The following UGT2B10 variants were observed in gnomAD, a reference collection of about 807,000 sequenced individuals.
UGT2B10 encodes UDP-glucuronosyltransferase 2B10.
Under a neutral mutation model 43.7 loss-of-function variants are expected in UGT2B10, and 51 were observed. The observed-to-expected ratio is 1.17, with a 90% CI of 0.93 to 1.47. The LOEUF is 1.47. Among genes scored for constraint, UGT2B10 ranks in the 40% most tolerant of loss-of-function variants. The pLI is 0.00. For synonymous variants in UGT2B10, 225 were observed against 209.0 expected (o/e 1.08, Z -0.66); for missense variants, 696 against 617.7 (o/e 1.13, Z -1.34).
intron 2 of UGT2B10, among the ~76,000 whole-genome samples, chr4:68,818,387 A>G (rs1737329130): frequency 6.6e-6 from 1 of 151,830 alleles, no homozygotes. Flanking sequence ...AATACTAAAG[A>G]AACTTTGAAA....
intron 5 of UGT2B10, among the ~76,000 whole-genome samples, chr4:68,828,113 G>A (rs1737894057): frequency 6.6e-6 from 1 of 151,906 alleles, no homozygotes; most frequent in Non-Finnish European, 1.5e-5. Flanking sequence ...AGAAACTGCA[G>A]TGACACCAAA....
chr4:68,816,502 G>T lies in UGT2B10; in HGVS notation c.483G>T (p.Glu161Asp). The change falls in exon 1 of 6, where the codon GAG becomes GAT. Residue 161 changes from glutamate to aspartate, a missense_variant. Coordinates refer to ENST00000265403, the MANE Select transcript of UGT2B10 (RefSeq NM_001075.6). Reference sequence around the variant, plus strand: ...TACCCTGTGGTGAGCTGCTGGCTGAGCTATTTAACATACCCTTTGTGTACA... The same window carrying T: ...TACCCTGTGGTGAGCTGCTGGCTGATCTATTTAACATACCCTTTGTGTACA... The part of the protein sequence containing the change: ...AYLPCGELLA[E>D]LFNIPFVYSH... 1.9e-6 allele frequency: 3 copies of T among 1,613,222 alleles called. No individual in the cohort carries two copies. The highest frequency in any genetic ancestry group is 2.5e-6 in the Non-Finnish European group (3 of 1,179,438).
rs1738118974 is a variant in UGT2B10, at chr4:68,831,998, C to A, written c.*1119C>A. Among the ~76,000 whole-genome samples the A allele has an allele frequency of 6.6e-6, 1 of 151,874 alleles. No individual in the cohort carries two copies. The highest frequency in any genetic ancestry group is 1.5e-5 in the Non-Finnish European group (1 of 67,976). ...ATCTCTTATGAATAACAAATTTATC[C>A]TTAATAAAGTCTCTATACTAAAGAA... On this transcript the variant is annotated 3_prime_UTR_variant, in exon 6 of 6. Coordinates refer to ENST00000265403, the MANE Select transcript of UGT2B10 (RefSeq NM_001075.6).
At chr4:68,824,885 T>C (rs963922400) in intron 3 of UGT2B10, among the ~76,000 whole-genome samples, 7 of 152,256 alleles carry the variant, frequency 4.6e-5, no homozygotes, top group South Asian at 4.2e-4. Context: ...ACATGTTCCT[T>C]ATTTCTATGC....
chr4:68,816,949 ACACC>A (rs1270194022), intron 1 of UGT2B10, among the ~76,000 whole-genome samples: 1 of 151,854 alleles, frequency 6.6e-6, no homozygotes, highest in South Asian at 2.1e-4. Flanking sequence ...CTCATACAGA[ACACC>A]CCAGGAAATC....
At chr4:68,823,891 G>A (rs1408622438) in intron 3 of UGT2B10, among the ~76,000 whole-genome samples, 2 of 152,088 alleles carry the variant, frequency 1.3e-5, no homozygotes, top group South Asian at 2.1e-4. Flanking sequence ...AAATGTAGAT[G>A]AAGTATCGAT....
rs375070901 is a variant in UGT2B10 at position 68,827,364 on chromosome 4, G to A, written c.1123G>A (p.Gly375Arg). ...PKTRAFITHG[G>R]ANGIYEAIYH... ...AACCAGAGCTTTTATAACTCATGGT[G>A]GAGCCAATGGCATCTATGAGGCAAT... The change falls in exon 5 of 6, where the codon GGA (glycine) becomes AGA (arginine). Residue 375 changes from glycine (G) to arginine (R), a missense_variant. Transcript: ENST00000265403. 1.9e-6 allele frequency: 3 copies of A among 1,613,206 alleles called. No individual in the cohort carries two copies. In the African/African-American group the frequency reaches 4.0e-5, roughly 22 times the overall value.
chr4:68,816,629 A>G lies in UGT2B10; in HGVS notation c.610A>G (p.Met204Val), dbSNP rs371047054. Reference sequence around the variant, plus strand: ...TGTTATGTCAAAATTAAGTGATCAAATGACTTTCATGGAGAGGGTAAAAAA... The same window carrying G: ...TGTTATGTCAAAATTAAGTGATCAAGTGACTTTCATGGAGAGGGTAAAAAA... ...PVVMSKLSDQ[M>V]TFMERVKNML... The change falls in exon 1 of 6, where the codon ATG becomes GTG. Residue 204 changes from methionine (M) to valine (V), a missense_variant. Physicochemically the swap from Met to Val is conservative, Grantham distance 21 (BLOSUM62 1). Transcript: ENST00000265403. 4.3e-4 allele frequency: 692 copies of G among 1,612,770 alleles called. 1 individual carries two copies. Among genetic ancestry groups the G allele is most frequent in the Non-Finnish European group, 4.7e-4 (557 of 1,179,248 alleles).
Position 68,818,171 on chromosome 4 carries a change from A to G in UGT2B10, c.861A>G (p.Leu287=), listed in dbSNP as rs770409927. ...GGLHCKPAKP[L]PKEMEEFVQS... is the part of the protein sequence containing the mutation. ...TCCACTGCAAACCTGCCAAACCCCT[A>G]CCTAAGGTAAACATACTTTCGTTGG... The change falls in exon 2 of 6, where the codon CTA becomes CTG. Residue 287 remains leucine (L), a synonymous_variant. Coordinates refer to ENST00000265403, the MANE Select transcript of UGT2B10 (RefSeq NM_001075.6). 91 of 1,608,802 alleles carry G rather than the reference A, an allele frequency of 5.7e-5. 1 individual carries two copies. In the East Asian group the frequency reaches 1.9e-3, roughly 34 times the overall value.
chr4:68,816,435 T>C lies in UGT2B10; in HGVS notation c.416T>C (p.Leu139Pro). Residue 139 changes from leucine to proline, a missense_variant, in exon 1 of 6, where the codon CTA becomes CCA. Transcript: ENST00000265403. The stretch of plus-strand genomic sequence containing the variant: ...TCAAATAAGAAACTTATGAAAAAAC[T>C]ACAAGAGTCAAGATTTGACATCGTT... ...VVSNKKLMKK[L>P]QESRFDIVFA... 1 of 1,613,090 alleles carries C rather than the reference T, an allele frequency of 6.2e-7. No individual in the cohort carries two copies. Among genetic ancestry groups the C allele is most frequent in the Non-Finnish European group, 8.5e-7 (1 of 1,179,442 alleles).
intron 3 of UGT2B10, among the ~76,000 whole-genome samples, chr4:68,823,857 T>C (rs1217743939): frequency 6.6e-6 from 1 of 152,116 alleles, no homozygotes; most frequent in Admixed American, 6.6e-5. Context: ...ATTAATAATA[T>C]GACCAGGAAT....
rs375140250 is a variant in UGT2B10 at position 68,816,368 on chromosome 4, G to A, written c.349G>A (p.Ala117Thr). The change falls in exon 1 of 6, where the codon GCA becomes ACA. Residue 117 changes from alanine (A) to threonine (T), a missense_variant. Physicochemically the swap from Ala to Thr is moderately conservative, Grantham distance 58. Transcript: ENST00000265403. ...TTCACAAGAACAAGAAATCCTGTGG[G>A]CAATTAATGACATAATTAGAAACTT... ...PFSQEQEILW[A>T]INDIIRNFCK... is the part of the protein sequence containing the mutation. 3.1e-6 allele frequency: 5 copies of A among 1,612,892 alleles called. No homozygotes were observed. The highest frequency in any genetic ancestry group is 4.2e-6 in the Non-Finnish European group (5 of 1,179,344).
At position 68,816,260 on chromosome 4, in the gene UGT2B10, A is replaced by C; in HGVS notation, c.241A>C (p.Thr81Pro). The C allele has an allele frequency of 6.2e-7, 1 of 1,613,176 alleles. No homozygotes were observed. Residue 81 changes from threonine to proline, a missense_variant, in exon 1 of 6, where the codon ACT becomes CCT. Coordinates refer to ENST00000265403, the MANE Select transcript of UGT2B10 (RefSeq NM_001075.6). ...ACTTGAAGTTTATCCTACATCTTTA[A>C]CTAAAACTGAATTTGAGAATATCAT... is the stretch of plus-strand genomic sequence containing the variant. ...LKLEVYPTSL[T>P]KTEFENIIMQ...
At chr4:68,820,218 G>A (rs1737425245) in intron 2 of UGT2B10, among the ~76,000 whole-genome samples, 1 of 152,008 alleles carries the variant, frequency 6.6e-6, no homozygotes, top group Non-Finnish European at 1.5e-5. Flanking sequence ...TTATTAACTT[G>A]CAGAAAGCAT....
intron 2 of UGT2B10, among the ~76,000 whole-genome samples, chr4:68,818,607 A>C (rs1216322010): frequency 1.2e-5 from 1 of 84,232 alleles, no homozygotes; most frequent in Non-Finnish European, 2.9e-5. Flanking sequence ...TTATATAAAA[A>C]CTATTATCTC....
At chr4:68,822,464 C>T in intron 3 of UGT2B10, 62 bp downstream of exon 3, 1 of 1,606,142 alleles carries the variant, frequency 6.2e-7, no homozygotes, top group South Asian at 1.1e-5. Flanking sequence ...AGTTTGTGAT[C>T]TACATAGAAA....
intron 3 of UGT2B10, 114 bp from the exon 4 acceptor site, chr4:68,826,296 A>T: frequency 8.7e-7 from 1 of 1,153,632 alleles, no homozygotes; most frequent in Non-Finnish European, 1.2e-6. Flanking sequence ...TCAGTCTTTG[A>T]GTAGATTTAT....
chr4:68,829,038 A>T (rs1468526158), intron 5 of UGT2B10, among the ~76,000 whole-genome samples: 2 of 152,048 alleles, frequency 1.3e-5, no homozygotes, highest in African/African-American at 2.4e-5. Context: ...ACAGATATGT[A>T]TAAATATATA....
chr4:68,816,581 T>C lies in UGT2B10; in HGVS notation c.562T>C (p.Phe188Leu), dbSNP rs1364833326. 1.9e-6 allele frequency: 3 copies of C among 1,613,066 alleles called. No homozygotes were observed. Among genetic ancestry groups the C allele is most frequent in the Non-Finnish European group, 2.5e-6 (3 of 1,179,348 alleles). ...SFERHSGGFI[F>L]PPSYVPVVMS... ...TGAAAGGCACAGTGGAGGATTTATT[T>C]TCCCTCCTTCCTACGTACCTGTTGT... The change falls in exon 1 of 6, where the codon TTC becomes CTC. Residue 188 changes from phenylalanine to leucine, a missense_variant. Coordinates refer to ENST00000265403, the MANE Select transcript of UGT2B10 (RefSeq NM_001075.6).
Sources: gnomAD v4.1 joint callset for allele counts (sites outside exome capture counted in the v4.1 genomes callset) on GRCh38, gnomAD v4.1.1 for gene constraint, MANE v1.5 for transcripts, NCBI Gene and HGNC (gene_info 2026-07-23, HGNC 2026-07-21) for gene names.